GLRB: variants seen among roughly 807,000 people sequenced by gnomAD.
GLRB encodes the protein glycine receptor beta.
GLRB carries 33 observed loss-of-function variants against 54.2 expected under a neutral mutation model. That is an observed-to-expected ratio of 0.61 (90% CI 0.46 to 0.81). GLRB has a LOEUF of 0.81. Ranked by LOEUF, GLRB falls within the 40% of genes least tolerant of loss-of-function variation. The probability of loss-of-function intolerance (pLI) is 0.00; values close to 1 mark genes in which losing one functional copy is unlikely to be tolerated. For synonymous variants in GLRB, 209 were observed against 208.2 expected, an observed-to-expected ratio of 1.00 and a Z score of -0.03; for missense variants, 572 against 584.6, an observed-to-expected ratio of 0.98 and a Z score of 0.22.
chr4:157,092,474 A>G (rs1734655056), intron 2 of GLRB, among the ~76,000 whole-genome samples: 1 of 152,202 alleles, frequency 6.6e-6, no homozygotes. Flanking sequence ...GTGGTTTTGC[A>G]TGTTTACTAT....
intron 2 of GLRB, among the ~76,000 whole-genome samples, chr4:157,107,604 G>C (rs1359950079): frequency 1.3e-5 from 2 of 152,054 alleles, no homozygotes; most frequent in Non-Finnish European, 2.9e-5. Flanking sequence ...GAGAAGTAAG[G>C]AAGCTGCAGA....
chr4:157,158,435 GGTTTTCTTCTAGA>G (rs1737325907), intron 9 of GLRB, among the ~76,000 whole-genome samples: 1 of 152,058 alleles, frequency 6.6e-6, no homozygotes, highest in Non-Finnish European at 1.5e-5. Context: ...GTATTGCCTA[GGTTTTCTTCTAGA>G]GTTTTTATGA....
At chr4:157,156,499 A>G (rs1737231972) in intron 9 of GLRB, among the ~76,000 whole-genome samples, 1 of 151,986 alleles carries the variant, frequency 6.6e-6, no homozygotes, top group South Asian at 2.1e-4. Context: ...CAATAATCTG[A>G]CTTCCTCTTT....
In GLRB at chr4:157,089,234, TA is replaced by T. The variant is rs931724351; in HGVS notation, c.122+11097del. 1.6e-3 allele frequency among the ~76,000 whole-genome samples: 234 copies of T among 150,528 alleles called. 1 individual carries two copies. Among genetic ancestry groups the T allele is most frequent in the African/African-American group, 5.4e-3 (221 of 41,022 alleles). Reference sequence around the variant, plus strand: ...GTGAGACCTTGTCTCTACAAAACATTAAAAAAAAATTAGCCAAGCATGGGGG... The same window carrying T: ...GTGAGACCTTGTCTCTACAAAACATTAAAAAAAATTAGCCAAGCATGGGGG... On this transcript the variant is annotated intron_variant, in intron 2 of 9. Coordinates refer to ENST00000264428, the MANE Select transcript of GLRB (RefSeq NM_000824.5).
intron 2 of GLRB, among the ~76,000 whole-genome samples, chr4:157,118,381 G>A (rs1324535205): frequency 3.3e-5 from 5 of 151,644 alleles, no homozygotes; most frequent in African/African-American, 4.8e-5. Flanking sequence ...TCCCACGTGC[G>A]CTCATTCTCT....
intron 9 of GLRB, among the ~76,000 whole-genome samples, chr4:157,165,844 T>C (rs534550724): frequency 2.3e-4 from 35 of 152,170 alleles, no homozygotes; most frequent in Middle Eastern, 3.4e-3. Flanking sequence ...TACAATTTTA[T>C]ATAAATTAGA....
chr4:157,161,159 C>CT (rs1295073543), intron 9 of GLRB, among the ~76,000 whole-genome samples: 1 of 152,044 alleles, frequency 6.6e-6, no homozygotes, highest in Non-Finnish European at 1.5e-5. Context: ...GCAACTTCTG[C>CT]TTTTTTGGTT....
At chr4:157,105,065 T>G (rs145762496) in intron 2 of GLRB, among the ~76,000 whole-genome samples, 301 of 151,894 alleles carry the variant, frequency 2.0e-3, no homozygotes, top group African/African-American at 6.8e-3. Context: ...TTTATTATAT[T>G]CTACCTTCTG....
intron 4 of GLRB, among the ~76,000 whole-genome samples, chr4:157,127,545 T>C (rs1279970049): frequency 6.6e-6 from 1 of 151,870 alleles, no homozygotes; most frequent in Non-Finnish European, 1.5e-5. Flanking sequence ...CTGTTTTATA[T>C]GTTAAAAAGG....
At chr4:157,137,781 G>A (rs1169839074) in intron 6 of GLRB, among the ~76,000 whole-genome samples, 3 of 152,096 alleles carry the variant, frequency 2.0e-5, no homozygotes, top group African/African-American at 7.2e-5. Context: ...GTATATGAGT[G>A]CCTGCATGTC....
chr4:157,145,370 T>C (rs1435272846), intron 8 of GLRB, among the ~76,000 whole-genome samples: 1 of 152,194 alleles, frequency 6.6e-6, no homozygotes, highest in Admixed American at 6.5e-5. Context: ...AAAATAACTC[T>C]GCTGAAATGT....
chr4:157,152,384 G>T (rs568137357), intron 8 of GLRB, among the ~76,000 whole-genome samples: 1 of 152,158 alleles, frequency 6.6e-6, no homozygotes, highest in East Asian at 1.9e-4. Context: ...TGTCTCATAA[G>T]AGAGCTCTGT....
At chr4:157,133,416 A>G (rs1305353572) in intron 4 of GLRB, among the ~76,000 whole-genome samples, 1 of 151,956 alleles carries the variant, frequency 6.6e-6, no homozygotes, top group African/African-American at 2.4e-5. Flanking sequence ...ATAGGTATCA[A>G]TTCATTAGTT....
chr4:157,078,556 A>C (rs1303409631), intron 2 of GLRB, among the ~76,000 whole-genome samples: 2 of 152,112 alleles, frequency 1.3e-5, no homozygotes, highest in African/African-American at 4.8e-5. Flanking sequence ...TTTAAAAGTC[A>C]GATAGGTAAC....
intron 2 of GLRB, among the ~76,000 whole-genome samples, chr4:157,091,080 A>G (rs1734592176): frequency 6.6e-6 from 1 of 152,120 alleles, no homozygotes; most frequent in Non-Finnish European, 1.5e-5. Context: ...AGTTCAATCT[A>G]TCTATTAAAT....
chr4:157,155,304 T>TAA (rs1737184627), intron 9 of GLRB, among the ~76,000 whole-genome samples: 1 of 152,134 alleles, frequency 6.6e-6, no homozygotes, highest in African/African-American at 2.4e-5. Flanking sequence ...CTAAGTTTTA[T>TAA]ATTTTTAGTA....
rs145262019 is a variant in GLRB, at chr4:157,113,172, G to A, written c.123-7384G>A. On this transcript the variant is annotated intron_variant, in intron 2 of 9. Transcript: ENST00000264428. ...TTTTTCATATAGATATTTTCGTTGG[G>A]CCAGGAGGGAAATATTTTAAGTTTT... 1.4e-4 allele frequency among the ~76,000 whole-genome samples: 22 copies of A among 151,890 alleles called. No homozygotes were observed. In the East Asian group the frequency reaches 3.9e-3, roughly 27 times the overall value.
At chr4:157,113,987 T>TA (rs1203944554) in intron 2 of GLRB, among the ~76,000 whole-genome samples, 1 of 151,964 alleles carries the variant, frequency 6.6e-6, no homozygotes, top group Admixed American at 6.6e-5. Context: ...AATACAAAAA[T>TA]AAAAAATACT....
intron 2 of GLRB, among the ~76,000 whole-genome samples, chr4:157,118,326 T>A (rs1735681695): frequency 1.3e-5 from 2 of 151,706 alleles, no homozygotes; most frequent in Non-Finnish European, 3.0e-5. Flanking sequence ...ATGAGAAAAC[T>A]TGTAGATAGG....
Sources: allele counts gnomAD v4.1 joint callset (sites outside exome capture counted in the v4.1 genomes callset), GRCh38; gene constraint gnomAD v4.1.1; transcripts MANE v1.5; gene names NCBI Gene and HGNC (gene_info 2026-07-23, HGNC 2026-07-21).